Variants in MAP3K9 observed in about 807,000 individuals in gnomAD.
MAP3K9 encodes the protein mixed lineage kinase 1 (tyr and ser/thr specificity).
A neutral mutation model predicts 95.8 loss-of-function variants in MAP3K9; 46 were observed. That is an observed-to-expected ratio of 0.48 (90% CI 0.38 to 0.61). MAP3K9 has a LOEUF of 0.61. MAP3K9 is among the 20% of genes least tolerant of loss of function. The pLI, the probability that MAP3K9 is intolerant of heterozygous loss-of-function variation, is 0.00. For synonymous variants in MAP3K9, 533 were observed against 593.8 expected (o/e 0.90, Z 1.49); for missense variants, 1,296 against 1,474.3 (o/e 0.88, Z 1.98).
At chr14:70,789,816 T>A (rs2054787303) in intron 2 of MAP3K9, among the ~76,000 whole-genome samples, 1 of 152,198 alleles carries the variant, frequency 6.6e-6, no homozygotes. Context: ...CTAATGTATA[T>A]GTCTCACTCT....
In MAP3K9 at chr14:70,724,838, T is replaced by C. The variant is rs1003530404; in HGVS notation, c.*5542A>G. ...TGGGTTCAGAATGCCCAGACGTCTA[T>C]CCCTCATGTTCCGGTAGGAGAGGCC... is the stretch of plus-strand genomic sequence containing the variant. On this transcript the variant is annotated 3_prime_UTR_variant, in exon 12 of 12. Transcript: ENST00000554752. 2.0e-5 allele frequency: 3 copies of C among 152,122 alleles called. No individual in the cohort carries two copies. Among genetic ancestry groups the C allele is most frequent in the Non-Finnish European group, 4.4e-5 (3 of 68,036 alleles). 9.4% of individuals were successfully genotyped at this position (152,122 alleles called of 1,614,324 possible).
chr14:70,785,943 G>A (rs891541339), intron 2 of MAP3K9, among the ~76,000 whole-genome samples: 6 of 152,282 alleles, frequency 3.9e-5, no homozygotes, highest in East Asian at 3.9e-4. Context: ...AGAGTGAAAT[G>A]GCAGATAAGA....
chr14:70,725,015 A>C lies in MAP3K9; in HGVS notation c.*5365T>G, dbSNP rs1346106297. 1.3e-5 allele frequency: 2 copies of C among 152,370 alleles called. No homozygotes were observed. Among genetic ancestry groups the C allele is most frequent in the African/African-American group, 4.8e-5 (2 of 41,466 alleles). 9.4% of individuals were successfully genotyped at this position (152,370 alleles called of 1,614,324 possible). A position where few individuals can be genotyped will look rare whatever the true frequency, so the allele number is the denominator to read the frequency against. ...AGTGCTTTCAAAGAGGGCAGGTCAG[A>C]CCAGACAGGTAGGAAGATGGGTCAG... On this transcript the variant is annotated 3_prime_UTR_variant, in exon 12 of 12. Coordinates refer to ENST00000554752, the MANE Select transcript of MAP3K9 (RefSeq NM_001284230.2).
intron 2 of MAP3K9, among the ~76,000 whole-genome samples, chr14:70,777,212 G>A (rs2054611546): frequency 6.6e-6 from 1 of 152,050 alleles, no homozygotes; most frequent in South Asian, 2.1e-4. Flanking sequence ...CATTTCTCAG[G>A]GGAATCTCCA....
intron 1 of MAP3K9, among the ~76,000 whole-genome samples, chr14:70,807,152 AG>A (rs763079802): frequency 1.5e-4 from 23 of 152,242 alleles, no homozygotes; most frequent in Non-Finnish European, 3.1e-4. Context: ...CAGAAAAACA[AG>A]CGAAGAGGCT....
At chr14:70,733,785 G>A (rs373932646) in intron 10 of MAP3K9, 12 of 718,338 alleles carry the variant, frequency 1.7e-5, no homozygotes, top group African/African-American at 3.5e-5. Context: ...CCACCCAACT[G>A]GCTGCCAGCA....
intron 3 of MAP3K9, among the ~76,000 whole-genome samples, chr14:70,758,554 C>A (rs890296890): frequency 1.3e-5 from 2 of 152,042 alleles, no homozygotes; most frequent in Non-Finnish European, 2.9e-5. Context: ...TAGGGATAGA[C>A]CCAAGAAAAC....
At chr14:70,750,172 C>T in intron 3 of MAP3K9, 91 bp from the exon 4 acceptor site, 1 of 1,119,092 alleles carries the variant, frequency 8.9e-7, no homozygotes, top group Admixed American at 2.1e-5. Context: ...ATCCCACATT[C>T]TCCCCAACAG....
intron 7 of MAP3K9, 134 bp downstream of exon 7, chr14:70,739,908 G>A: frequency 6.2e-7 from 1 of 1,612,218 alleles, no homozygotes; most frequent in Non-Finnish European, 8.5e-7. Flanking sequence ...ATATGTGCAT[G>A]TATATACACA....
chr14:70,785,060 A>G (rs1179519780), intron 2 of MAP3K9, among the ~76,000 whole-genome samples: 1 of 152,156 alleles, frequency 6.6e-6, no homozygotes, highest in Non-Finnish European at 1.5e-5. Flanking sequence ...CAACAAGCAG[A>G]GCAGAAAGAA....
At chr14:70,784,901 C>T (rs1026611374) in intron 2 of MAP3K9, among the ~76,000 whole-genome samples, 2 of 152,094 alleles carry the variant, frequency 1.3e-5, no homozygotes, top group East Asian at 1.9e-4. Flanking sequence ...ATCTGTAGTT[C>T]GAAATGTGGG....
At chr14:70,784,278 C>T (rs1264532269) in intron 2 of MAP3K9, among the ~76,000 whole-genome samples, 7 of 151,126 alleles carry the variant, frequency 4.6e-5, no homozygotes, top group African/African-American at 9.7e-5. Context: ...AGCAAAACTC[C>T]GTCTCAAAAC....
At chr14:70,768,841 G>A (rs950182263) in intron 2 of MAP3K9, among the ~76,000 whole-genome samples, 1 of 152,094 alleles carries the variant, frequency 6.6e-6, no homozygotes, top group Admixed American at 6.6e-5. Flanking sequence ...TAGTACAAGA[G>A]GCTTCAATTT....
intron 2 of MAP3K9, among the ~76,000 whole-genome samples, chr14:70,791,691 A>G (rs1488931678): frequency 6.6e-6 from 1 of 152,200 alleles, no homozygotes; most frequent in Non-Finnish European, 1.5e-5. Flanking sequence ...GTCGGAAACA[A>G]AACTTCCTCA....
At position 70,730,056 on chromosome 14, in the gene MAP3K9, A is replaced by G. The variant is rs1462482503; in HGVS notation, c.*324T>C. 1.0e-5 allele frequency: 3 copies of G among 296,206 alleles called. No homozygotes were observed. The highest frequency in any genetic ancestry group is 4.3e-5 in the African/African-American group (2 of 46,804). The allele number at this position is 296,206 out of a possible 1,614,324, so 18.3% of individuals were successfully genotyped here. On this transcript the variant is annotated 3_prime_UTR_variant, in exon 12 of 12. Transcript: ENST00000554752. ...ACTGGCTGAGGAGAGGGAGCAGCAG[A>G]CAGATTTGGCTGAGTGACTCTGCAG... is the stretch of plus-strand genomic sequence containing the variant.
At position 70,744,039 on chromosome 14, in the gene MAP3K9, T is replaced by G. The variant is rs111479988; in HGVS notation, c.1327-1448A>C. ...TATGCAGCCATAAAAAAGGATGAGT[T>G]CGTGTCTTTGCAGGGACGTGGATGA... On this transcript the variant is annotated intron_variant, in intron 5 of 11. Transcript: ENST00000554752. 8.3e-3 allele frequency among the ~76,000 whole-genome samples: 1,266 copies of G among 152,298 alleles called. 16 individuals carry two copies. Among genetic ancestry groups the G allele is most frequent in the African/African-American group, 0.028 (1,163 of 41,548 alleles).
At chr14:70,779,598 ACTC>A (rs1480140881) in intron 2 of MAP3K9, among the ~76,000 whole-genome samples, 2 of 152,210 alleles carry the variant, frequency 1.3e-5, no homozygotes, top group East Asian at 3.9e-4. Flanking sequence ...TAGTGGTCCC[ACTC>A]CTCCTACCTC....
rs2053812249 is a variant in MAP3K9 at position 70,725,806 on chromosome 14, T to C, written c.*4574A>G. ...TGAAATAGCTGATATTCGACTGTTT[T>C]TGACGTAAAACCGTACGTATATTTC... On this transcript the variant is annotated 3_prime_UTR_variant, in exon 12 of 12. Transcript: ENST00000554752. 6.7e-6 allele frequency: 1 copy of C among 150,254 alleles called. No individual in the cohort carries two copies. The highest frequency in any genetic ancestry group is 1.5e-5 in the Non-Finnish European group (1 of 67,646). The allele number at this position is 150,254 out of a possible 1,614,324, so 9.3% of individuals were successfully genotyped here. A position where few individuals can be genotyped will look rare whatever the true frequency, so the allele number is the denominator to read the frequency against.
chr14:70,764,296 T>C lies in MAP3K9; in HGVS notation c.821-3114A>G, dbSNP rs371071849. On this transcript the variant is annotated intron_variant, in intron 2 of 11. Transcript: ENST00000554752. ...ATTATAGGAGATTAACAGCTCCAGG[T>C]GTGTTTTGCCCCTTCCAGAGGAACA... 2.1e-4 allele frequency among the ~76,000 whole-genome samples: 31 copies of C among 149,526 alleles called. 1 individual carries two copies. The South Asian group carries it at 5.6e-3, about 27-fold the overall frequency.
Sources: gnomAD v4.1 joint callset for allele counts (sites outside exome capture counted in the v4.1 genomes callset) on GRCh38, gnomAD v4.1.1 for gene constraint, MANE v1.5 for transcripts, NCBI Gene and HGNC (gene_info 2026-07-23, HGNC 2026-07-21) for gene names.